PPP2R5E: variants seen among roughly 807,000 people sequenced by gnomAD.
PPP2R5E encodes the protein protein phosphatase 2 regulatory subunit B'epsilon, also known as serine/threonine-protein phosphatase 2A 56 kDa regulatory subunit epsilon isoform.
A neutral mutation model predicts 65.3 loss-of-function variants in PPP2R5E; 4 were observed. The observed-to-expected ratio is 0.06, with a 90% confidence interval of 0.03 to 0.14. The LOEUF (loss-of-function observed/expected upper bound fraction) is 0.14, where lower values mean the gene tolerates loss of function less well. Ranked by LOEUF, PPP2R5E falls within the 10% of genes least tolerant of loss-of-function variation. PPP2R5E has a pLI of 1.00. For missense variants in PPP2R5E, 274 were observed against 556.1 expected (o/e 0.49, Z 5.10); for synonymous variants, 183 against 187.4 (o/e 0.98, Z 0.19).
intron 2 of PPP2R5E, among the ~76,000 whole-genome samples, chr14:63,502,606 G>A (rs1891945045): frequency 6.6e-6 from 1 of 152,104 alleles, no homozygotes; most frequent in African/African-American, 2.4e-5. Flanking sequence ...AGCAGAGGTT[G>A]CAGTGAGCTG....
At chr14:63,493,431 T>C (rs1891378948) in intron 2 of PPP2R5E, among the ~76,000 whole-genome samples, 1 of 149,032 alleles carries the variant, frequency 6.7e-6, no homozygotes. Flanking sequence ...TTCAATCCTC[T>C]CTCAAGTGTC....
chr14:63,405,901 C>T (rs1283578943), intron 5 of PPP2R5E, among the ~76,000 whole-genome samples: 2 of 152,170 alleles, frequency 1.3e-5, no homozygotes, highest in African/African-American at 4.8e-5. Flanking sequence ...TTACCACAGA[C>T]AAAAGTGCAC....
chr14:63,522,803 G>A (rs893385905), intron 2 of PPP2R5E, among the ~76,000 whole-genome samples: 64 of 151,388 alleles, frequency 4.2e-4, no homozygotes, highest in Non-Finnish European at 4.1e-4. Flanking sequence ...ACCCCGTCCA[G>A]GAAGGAGGTG....
chr14:63,375,965 A>G lies in PPP2R5E; in HGVS notation c.*44T>C, dbSNP rs373207681. 9.6e-6 allele frequency: 13 copies of G among 1,349,268 alleles called. No individual in the cohort carries two copies. In the African/African-American group the frequency reaches 1.0e-4, roughly 11 times the overall value. The allele number at this position is 1,349,268 out of a possible 1,614,324, so 83.6% of individuals were successfully genotyped here. ...TGTTGCTCCATCTTCTACTACATAA[A>G]CGTGTGACTCCACAGGTTAGTAATG... On this transcript the variant is annotated 3_prime_UTR_variant, in exon 14 of 14. Transcript: ENST00000337537.
At chr14:63,460,431 A>C (rs1376390905) in intron 2 of PPP2R5E, among the ~76,000 whole-genome samples, 13 of 152,194 alleles carry the variant, frequency 8.5e-5, no homozygotes, top group Non-Finnish European at 1.9e-4. Flanking sequence ...ATGCTAAATA[A>C]CAGCAACTAA....
intron 2 of PPP2R5E, among the ~76,000 whole-genome samples, chr14:63,510,734 G>A (rs891325103): frequency 1.3e-5 from 2 of 152,208 alleles, no homozygotes; most frequent in African/African-American, 4.8e-5. Context: ...GTAAAGTTTT[G>A]TAACCTCAGA....
At chr14:63,404,923 A>G (rs1387117216) in intron 5 of PPP2R5E, among the ~76,000 whole-genome samples, 2 of 152,234 alleles carry the variant, frequency 1.3e-5, no homozygotes, top group African/African-American at 4.8e-5. Context: ...GACTAGCTAC[A>G]TAATTTGTGG....
chr14:63,462,719 G>A (rs953376025), intron 2 of PPP2R5E, among the ~76,000 whole-genome samples: 1 of 151,940 alleles, frequency 6.6e-6, no homozygotes, highest in Admixed American at 6.6e-5. Context: ...AAAGAATAGA[G>A]GAAAAGGCTT....
intron 2 of PPP2R5E, among the ~76,000 whole-genome samples, chr14:63,511,502 G>T (rs1009333568): frequency 6.6e-6 from 1 of 152,150 alleles, no homozygotes; most frequent in African/African-American, 2.4e-5. Flanking sequence ...CCACAAAATG[G>T]TGAACTAAAT....
intron 2 of PPP2R5E, among the ~76,000 whole-genome samples, chr14:63,492,888 T>C (rs1448027149): frequency 6.6e-6 from 1 of 152,124 alleles, no homozygotes; most frequent in African/African-American, 2.4e-5. Context: ...AGAAATTGCG[T>C]CTTTAGACAA....
chr14:63,538,742 C>G (rs1215957308), intron 2 of PPP2R5E, among the ~76,000 whole-genome samples: 3 of 151,678 alleles, frequency 2.0e-5, no homozygotes, highest in African/African-American at 7.3e-5. Context: ...GTCAGGAGTT[C>G]AAGACCAGCC....
Position 63,445,915 on chromosome 14 carries a change from C to T in PPP2R5E, c.354+7774G>A, listed in dbSNP as rs553605860. ...CCTTTCATGAAAAATTTCTCTGTAG[C>T]ATGTGATGCTGTCTGATAGCATTTT... is the stretch of plus-strand genomic sequence containing the variant. On this transcript the variant is annotated intron_variant, in intron 3 of 13. Coordinates refer to ENST00000337537, the MANE Select transcript of PPP2R5E (RefSeq NM_006246.5). Among the ~76,000 whole-genome samples the T allele has an allele frequency of 8.5e-5, 13 of 152,186 alleles. No homozygotes were observed. The South Asian group carries it at 2.3e-3, about 27-fold the overall frequency.
At chr14:63,461,329 C>G (rs938173655) in intron 2 of PPP2R5E, among the ~76,000 whole-genome samples, 3 of 150,018 alleles carry the variant, frequency 2.0e-5, no homozygotes, top group African/African-American at 7.5e-5. Flanking sequence ...ATGTTACGTG[C>G]CAGTAAAATT....
chr14:63,440,102 G>A (rs923106040), intron 3 of PPP2R5E, among the ~76,000 whole-genome samples: 5 of 152,210 alleles, frequency 3.3e-5, no homozygotes, highest in African/African-American at 1.2e-4. Flanking sequence ...AACGGGCAGA[G>A]GAGCCTGATT....
intron 5 of PPP2R5E, among the ~76,000 whole-genome samples, chr14:63,401,874 G>A (rs1203704014): frequency 1.3e-5 from 2 of 152,020 alleles, no homozygotes; most frequent in African/African-American, 2.4e-5. Flanking sequence ...TTCACACCAC[G>A]GAACCCTTAC....
In PPP2R5E at chr14:63,484,517, C is replaced by T. The variant is rs538447496; in HGVS notation, c.158-30632G>A. 5.9e-5 allele frequency among the ~76,000 whole-genome samples: 9 copies of T among 152,154 alleles called. No individual in the cohort carries two copies. In the South Asian group the frequency reaches 1.9e-3, roughly 32 times the overall value. On this transcript the variant is annotated intron_variant, in intron 2 of 13. Coordinates refer to ENST00000337537, the MANE Select transcript of PPP2R5E (RefSeq NM_006246.5). The stretch of plus-strand genomic sequence containing the variant: ...TGTCTTAAGCATACACTGTGTCAAA[C>T]ACCCACAAATATTCAAAAGCAAAAA...
intron 2 of PPP2R5E, among the ~76,000 whole-genome samples, chr14:63,504,842 C>T (rs1454250430): frequency 2.6e-5 from 4 of 152,098 alleles, no homozygotes; most frequent in African/African-American, 9.7e-5. Context: ...TCATCTTTGT[C>T]ACTCCAGCAT....
chr14:63,382,187 T>C, intron 12 of PPP2R5E, 30 bp from the exon 13 acceptor site: 1 of 1,556,722 alleles, frequency 6.4e-7, no homozygotes, highest in Non-Finnish European at 8.8e-7. Flanking sequence ...AGGAGTGTGT[T>C]AGTTAGTCTT....
At chr14:63,377,543 G>A (rs951360016) in intron 13 of PPP2R5E, among the ~76,000 whole-genome samples, 1 of 152,228 alleles carries the variant, frequency 6.6e-6, no homozygotes, top group Middle Eastern at 3.4e-3. Context: ...TGCCATAATA[G>A]TCTGGTATTA....
Sources: allele counts gnomAD v4.1 joint callset (sites outside exome capture counted in the v4.1 genomes callset), GRCh38; gene constraint gnomAD v4.1.1; transcripts MANE v1.5; gene names NCBI Gene and HGNC (gene_info 2026-07-23, HGNC 2026-07-21).